The following MYCBP2 variants were observed in gnomAD, a reference collection of about 807,000 sequenced individuals.
MYCBP2 encodes the protein E3 ubiquitin-protein ligase MYCBP2.
Under a neutral mutation model 525.3 loss-of-function variants are expected in MYCBP2, and 120 were observed. The ratio of observed to expected loss-of-function variants is 0.23; its 90% CI spans 0.20 to 0.27. The LOEUF is 0.27. Ranked by LOEUF, MYCBP2 falls within the 10% of genes least tolerant of loss-of-function variation. The probability of loss-of-function intolerance (pLI) is 1.00; values close to 1 mark genes in which losing one functional copy is unlikely to be tolerated. For missense variants in MYCBP2, 4,149 were observed against 5,657.1 expected, an observed-to-expected ratio of 0.73 and a Z score of 8.55; for synonymous variants, 1,894 against 1,955.8, an observed-to-expected ratio of 0.97 and a Z score of 0.83.
intron 2 of MYCBP2, among the ~76,000 whole-genome samples, chr13:77,294,088 A>C (rs1417573706): frequency 8.0e-6 from 1 of 125,618 alleles, no homozygotes; most frequent in Non-Finnish European, 1.6e-5. Flanking sequence ...TGATAGCCAT[A>C]AAGTAGATAT....
intron 52 of MYCBP2, among the ~76,000 whole-genome samples, chr13:77,138,277 A>T (rs1354944185): frequency 6.6e-6 from 1 of 152,214 alleles, no homozygotes; most frequent in Non-Finnish European, 1.5e-5. Context: ...AGATCAATAA[A>T]TAGAAATAGA....
Position 77,171,557 on chromosome 13 carries a change from A to C in MYCBP2, c.5729T>G (p.Leu1910Trp). 6.2e-7 allele frequency: 1 copy of C among 1,614,150 alleles called. No individual in the cohort carries two copies. The highest frequency in any genetic ancestry group is 8.5e-7 in the Non-Finnish European group (1 of 1,179,982). The change falls in exon 38 of 83, where the codon TTG (leucine) becomes TGG (tryptophan). Residue 1910 changes from leucine to tryptophan, a missense_variant. Physicochemically the swap from Leu to Trp is moderately conservative, Grantham distance 61. This residue lies in a region of MYCBP2 where 692 missense variants were observed against 852.7 expected (regional missense o/e 0.81). Coordinates refer to ENST00000544440, the MANE Select transcript of MYCBP2 (RefSeq NM_015057.5). ...NEEDKNCSRA[L>W]SVVSTVVRAS... Reference sequence around the variant, plus strand: ...TCGAACGACAGTGCTTACAACAGACAATGCTCTGCTACAGTTTTTATCTTC... The same window carrying C: ...TCGAACGACAGTGCTTACAACAGACCATGCTCTGCTACAGTTTTTATCTTC...
chr13:77,181,542 T>A (rs552831890), intron 33 of MYCBP2, among the ~76,000 whole-genome samples, 159 bp downstream of exon 33: 21 of 152,156 alleles, frequency 1.4e-4, no homozygotes, highest in Non-Finnish European at 2.9e-4. Flanking sequence ...AAATAATCAT[T>A]TTGTAAATAT....
intron 30 of MYCBP2, among the ~76,000 whole-genome samples, chr13:77,187,775 G>A (rs1448726282): frequency 2.6e-5 from 4 of 151,650 alleles, no homozygotes; most frequent in Admixed American, 6.6e-5. Flanking sequence ...GGCCGGGTGC[G>A]GTGGCTCACA....
chr13:77,288,426 A>C (rs1272364073), intron 2 of MYCBP2, 50 bp from the exon 3 acceptor site: 1 of 1,466,576 alleles, frequency 6.8e-7, no homozygotes, highest in Non-Finnish European at 9.4e-7. Flanking sequence ...TCTATCATCA[A>C]GTCCCATTTT....
rs1233391772 is a variant in MYCBP2, at chr13:77,204,594, C to A, written c.3843+662G>T. 3.5e-4 allele frequency among the ~76,000 whole-genome samples: 43 copies of A among 122,712 alleles called. No homozygotes were observed. The Admixed American group carries it at 3.5e-3, about 10-fold the overall frequency. The allele number at this position is 122,712 out of a possible 152,430, so 80.5% of individuals were successfully genotyped here. On this transcript the variant is annotated intron_variant, in intron 26 of 82. Coordinates refer to ENST00000544440, the MANE Select transcript of MYCBP2 (RefSeq NM_015057.5). ...AATCATGCTGCTATAAAGACACATG[C>A]ACACGTATGTTTATTGCGGCATTAT...
chr13:77,137,992 TAC>T (rs1423731370), intron 52 of MYCBP2, among the ~76,000 whole-genome samples: 1 of 152,216 alleles, frequency 6.6e-6, no homozygotes, highest in East Asian at 1.9e-4. Context: ...CTCTTTAAAA[TAC>T]ACTTTCATAG....
rs189134700 is a variant in MYCBP2 at position 77,175,113 on chromosome 13, G to A, written c.5473-624C>T. On this transcript the variant is annotated intron_variant, in intron 36 of 82. Transcript: ENST00000544440. ...TCAGTTAATTTTTTAGGGTGTTTCTGTAGAGATAAGGTCTGACTATATTGC... is the reference window on the plus strand; with the variant it reads ...TCAGTTAATTTTTTAGGGTGTTTCTATAGAGATAAGGTCTGACTATATTGC... Among the ~76,000 whole-genome samples, 153 of 149,262 alleles carry A rather than the reference G, an allele frequency of 1.0e-3. 2 individuals carry two copies. The highest frequency in any genetic ancestry group is 2.2e-4 in the Non-Finnish European group (15 of 67,742).
intron 15 of MYCBP2, among the ~76,000 whole-genome samples, chr13:77,246,905 G>A (rs1302396418): frequency 1.3e-5 from 2 of 152,084 alleles, no homozygotes; most frequent in African/African-American, 4.8e-5. Context: ...AAAAGCATTT[G>A]ACAAAATTCA....
At chr13:77,184,103 T>C (rs567723591) in intron 32 of MYCBP2, among the ~76,000 whole-genome samples, 42 of 152,290 alleles carry the variant, frequency 2.8e-4, no homozygotes, top group Admixed American at 2.1e-3. Flanking sequence ...ATTTTAAACC[T>C]TTCTTCTTCA....
At chr13:77,223,811 T>C (rs944143039) in intron 20 of MYCBP2, among the ~76,000 whole-genome samples, 8 of 152,280 alleles carry the variant, frequency 5.3e-5, no homozygotes, top group Admixed American at 4.6e-4. Context: ...GATTCCAAAG[T>C]GGCACCTATC....
chr13:77,268,722 T>C (rs975718800), intron 7 of MYCBP2, among the ~76,000 whole-genome samples: 3 of 151,352 alleles, frequency 2.0e-5, no homozygotes, highest in Non-Finnish European at 2.9e-5. Flanking sequence ...GAGGTTGCAG[T>C]GAGCTGAGAT....
chr13:77,226,755 T>C (rs1285264911), intron 18 of MYCBP2, among the ~76,000 whole-genome samples: 1 of 152,160 alleles, frequency 6.6e-6, no homozygotes, highest in African/African-American at 2.4e-5. Context: ...TTTCCGTAAC[T>C]AAATGCCTAT....
chr13:77,207,229 A>C (rs1047052218), intron 23 of MYCBP2, among the ~76,000 whole-genome samples: 6 of 152,208 alleles, frequency 3.9e-5, no homozygotes, highest in Non-Finnish European at 7.4e-5. Flanking sequence ...AGCTAGAAAC[A>C]ATCAATCCAT....
At chr13:77,061,861 A>C (rs1314206492) in intron 74 of MYCBP2, 71 bp from the exon 75 acceptor site, 3 of 1,385,668 alleles carry the variant, frequency 2.2e-6, no homozygotes, top group Non-Finnish European at 2.9e-6. Context: ...ATTGAATATA[A>C]TTTATTTACA....
At chr13:77,057,401 A>C (rs2038320506) in intron 78 of MYCBP2, among the ~76,000 whole-genome samples, 1 of 152,192 alleles carries the variant, frequency 6.6e-6, no homozygotes, top group South Asian at 2.1e-4. Flanking sequence ...TCTCACAGAA[A>C]GAAGAAGAAA....
intron 74 of MYCBP2, among the ~76,000 whole-genome samples, chr13:77,062,246 T>C (rs747595994): frequency 5.9e-5 from 9 of 152,250 alleles, no homozygotes; most frequent in Non-Finnish European, 7.3e-5. Context: ...GCCTGTGTTA[T>C]TGCTTTATTT....
At chr13:77,070,405 A>AT (rs560976742) in intron 69 of MYCBP2, among the ~76,000 whole-genome samples, 15 of 151,592 alleles carry the variant, frequency 9.9e-5, no homozygotes, top group African/African-American at 1.5e-4. Flanking sequence ...GTATTAGGAG[A>AT]TTTTTTTTTC....
intron 27 of MYCBP2, among the ~76,000 whole-genome samples, chr13:77,193,073 G>A (rs1201543020): frequency 6.6e-6 from 1 of 152,152 alleles, no homozygotes; most frequent in Non-Finnish European, 1.5e-5. Flanking sequence ...AGGTTGCAGT[G>A]AGTTGAGATC....
Sources: gnomAD v4.1 joint callset for allele counts (sites outside exome capture counted in the v4.1 genomes callset) on GRCh38, gnomAD v4.1.1 for gene constraint, gnomAD v4.1.1 regional missense constraint, MANE v1.5 for transcripts, NCBI Gene and HGNC (gene_info 2026-07-23, HGNC 2026-07-21) for gene names.